The following AHNAK variants were observed in gnomAD, a reference collection of about 807,000 sequenced individuals.
AHNAK encodes AHNAK nucleoprotein.
In AHNAK, 23 loss-of-function variants were observed where a neutral mutation model predicts 37.8. That is an observed-to-expected ratio of 0.61 (90% confidence interval 0.44 to 0.86). AHNAK has a LOEUF of 0.86. AHNAK is among the 40% of genes least tolerant of loss of function. The pLI, the probability that AHNAK is intolerant of heterozygous loss-of-function variation, is 0.00. For synonymous variants in AHNAK, 2,481 were observed against 2,636.3 expected, an observed-to-expected ratio of 0.94 and a Z score of 1.80; for missense variants, 7,411 against 7,319.4, an observed-to-expected ratio of 1.01 and a Z score of -0.46.
At chr11:62,442,432 C>T (rs981250345) in intron 5 of AHNAK, among the ~76,000 whole-genome samples, 1 of 152,082 alleles carries the variant, frequency 6.6e-6, no homozygotes, top group African/African-American at 2.4e-5. Flanking sequence ...CCTGTAGTCC[C>T]AGCTACTTAG....
At position 62,524,559 on chromosome 11, in the gene AHNAK, C is replaced by A. The variant is rs778558740; in HGVS notation, c.9858G>T (p.Met3286Ile). The A allele has an allele frequency of 1.2e-6, 2 of 1,613,550 alleles. No individual in the cohort carries two copies. Among genetic ancestry groups the A allele is most frequent in the Admixed American group, 3.3e-5 (2 of 59,910 alleles). Residue 3286 changes from methionine to isoleucine, a missense_variant, in exon 5 of 5, where the codon ATG becomes ATT. Met to Ile is a conservative substitution (Grantham distance 10). Coordinates refer to ENST00000378024, the MANE Select transcript of AHNAK (RefSeq NM_001620.3). The stretch of plus-strand genomic sequence containing the variant: ...TGGAGATCTTGGGCATGTTTACATG[C>A]ATGTCAGGCATCTTCAGTTTTGGAC... The part of the protein sequence containing the change: ...LKGPKLKMPD[M>I]HVNMPKISMP...
exon 6 of AHNAK, chr11:62,433,839 C>A: frequency 1.2e-6 from 2 of 1,613,426 alleles, no homozygotes; most frequent in East Asian, 2.2e-5. Context: ...AAAGAACGGT[C>A]ACAAAAACAA....
At chr11:62,492,073 C>T (rs1242501910) in intron 4 of AHNAK, among the ~76,000 whole-genome samples, 1 of 152,108 alleles carries the variant, frequency 6.6e-6, no homozygotes, top group Non-Finnish European at 1.5e-5. Context: ...TTTGTGAAAG[C>T]CCGGGGAATC....
intron 5 of AHNAK, among the ~76,000 whole-genome samples, chr11:62,476,770 C>A (rs1272111493): frequency 6.6e-6 from 1 of 152,090 alleles, no homozygotes; most frequent in Middle Eastern, 3.4e-3. Flanking sequence ...GTGGTTGGAC[C>A]AAGAGAAAGA....
intron 5 of AHNAK, among the ~76,000 whole-genome samples, chr11:62,487,558 G>A (rs574532129): frequency 7.9e-4 from 120 of 152,166 alleles, no homozygotes; most frequent in African/African-American, 2.7e-3. Context: ...CGCCGGTGGC[G>A]CAGTCTCGGC....
chr11:62,529,196 T>A lies in AHNAK; in HGVS notation c.5221A>T (p.Ile1741Phe). The A allele has an allele frequency of 6.2e-7, 1 of 1,614,208 alleles. No individual in the cohort carries two copies. Among genetic ancestry groups the A allele is most frequent in the Non-Finnish European group, 8.5e-7 (1 of 1,180,042 alleles). Residue 1741 changes from isoleucine to phenylalanine, a missense_variant, in exon 5 of 5, where the codon ATT (isoleucine) becomes TTT (phenylalanine). Ile to Phe is a conservative substitution (Grantham distance 21, BLOSUM62 0). Coordinates refer to ENST00000378024, the MANE Select transcript of AHNAK (RefSeq NM_001620.3). The stretch of plus-strand genomic sequence containing the variant: ...TCCACACTGGGTCCAGACACATCAA[T>A]GTCAGCCTTTGGCAGATTCACATCC... The part of the protein sequence containing the change: ...EVDVNLPKAD[I>F]DVSGPSVDTD...
chr11:62,475,732 G>A (rs1460683705), intron 5 of AHNAK, among the ~76,000 whole-genome samples: 3 of 148,430 alleles, frequency 2.0e-5, no homozygotes, highest in Non-Finnish European at 4.4e-5. Context: ...AGCCTCCCAA[G>A]TAGCTGGGAT....
chr11:62,491,397 C>A (rs1280507251), intron 5 of AHNAK, among the ~76,000 whole-genome samples: 1 of 152,172 alleles, frequency 6.6e-6, no homozygotes, highest in Non-Finnish European at 1.5e-5. Context: ...GGTTTCTGCC[C>A]CACCCTGGCT....
intron 2 of AHNAK, 40 bp from the exon 3 acceptor site, chr11:62,536,138 G>C (rs2134252175): frequency 6.6e-7 from 1 of 1,523,426 alleles, no homozygotes; most frequent in Non-Finnish European, 8.8e-7. Context: ...GTCAGTGGGG[G>C]TGGGAGGACA....
rs1381491928 is a variant in AHNAK, at chr11:62,524,697, T to G, written c.9720A>C (p.Ser3240=). 6.2e-7 allele frequency: 1 copy of G among 1,614,230 alleles called. No homozygotes were observed. ...GPKMKGEVDV[S]LANVEGDLKG... ...TCAAATCACCTTCTACATTTGCAAG[T>G]GAAACATCCACCTCTCCTTTCATTT... The change falls in exon 5 of 5, where the codon TCA becomes TCC. Residue 3240 remains serine (S), a synonymous_variant. Coordinates refer to ENST00000378024, the MANE Select transcript of AHNAK (RefSeq NM_001620.3).
rs747826641 is a variant in AHNAK, at chr11:62,533,976, C to T, written c.441G>A (p.Gln147=). The change falls in exon 5 of 5, where the codon CAG becomes CAA. Residue 147 remains glutamine, a synonymous_variant. Transcript: ENST00000378024. ...TTCTGGTCACTGTGATGGTACGGCT[C>T]TGGGTCTCCCCGAGGTCTCCTTCCA... ...DGVEGDLGET[Q]SRTITVTRRV... 6.2e-7 allele frequency: 1 copy of T among 1,611,590 alleles called. No individual in the cohort carries two copies.
chr11:62,543,830 C>A (rs1370497103), intron 1 of AHNAK, among the ~76,000 whole-genome samples: 2 of 152,252 alleles, frequency 1.3e-5, no homozygotes, highest in Non-Finnish European at 2.9e-5. Flanking sequence ...TCCCCAGCGG[C>A]CATCACCCTT....
Position 62,536,118 on chromosome 11 carries a change from T to C in AHNAK, c.1-20A>G, listed in dbSNP as rs984614793. ...CTCCATCTGGAATGAGGTGAGGAAA[T>C]GGAACTGGGGTCAGTGGGGGTGGGA... is the stretch of plus-strand genomic sequence containing the variant. On this transcript the variant is annotated intron_variant, in intron 2 of 4. Transcript: ENST00000378024. 6.4e-7 allele frequency: 1 copy of C among 1,553,196 alleles called. No homozygotes were observed. The highest frequency in any genetic ancestry group is 2.4e-5 in the East Asian group (1 of 42,470).
downstream of AHNAK, among the ~76,000 whole-genome samples, chr11:62,511,757 T>C (rs1376534153): frequency 6.6e-6 from 1 of 152,080 alleles, no homozygotes; most frequent in Non-Finnish European, 1.5e-5. Context: ...GACAGAGTCT[T>C]GCTTTGTCTG....
intron 5 of AHNAK, among the ~76,000 whole-genome samples, chr11:62,454,928 T>G (rs1938624025): frequency 1.4e-5 from 1 of 69,226 alleles, no homozygotes; most frequent in South Asian, 7.6e-4. Flanking sequence ...TTTTATTTAT[T>G]TATTTTTTTT....
chr11:62,459,326 G>A (rs1938736500), intron 5 of AHNAK, among the ~76,000 whole-genome samples: 2 of 152,118 alleles, frequency 1.3e-5, no homozygotes, highest in Admixed American at 1.3e-4. Context: ...CCTCTCCCCT[G>A]CCCAAAACCT....
chr11:62,513,620 G>C (rs1939953944), downstream of AHNAK, among the ~76,000 whole-genome samples: 1 of 152,088 alleles, frequency 6.6e-6, no homozygotes, highest in African/African-American at 2.4e-5. Flanking sequence ...AGGTGCATGG[G>C]CAGGGCGAGG....
intron 1 of AHNAK, chr11:62,546,114 G>A (rs1590700572): frequency 1.3e-5 from 2 of 153,412 alleles, no homozygotes; most frequent in Non-Finnish European, 2.9e-5. Flanking sequence ...AGGGGCTGGT[G>A]GTACAGAACA....
intron 1 of AHNAK, among the ~76,000 whole-genome samples, chr11:62,544,107 T>G (rs994894889): frequency 6.6e-6 from 1 of 152,198 alleles, no homozygotes; most frequent in East Asian, 1.9e-4. Context: ...TGACCGGCTC[T>G]GCCAGGACCC....
Sources: allele counts gnomAD v4.1 joint callset (sites outside exome capture counted in the v4.1 genomes callset), GRCh38; gene constraint gnomAD v4.1.1; transcripts MANE v1.5; gene names NCBI Gene and HGNC (gene_info 2026-07-23, HGNC 2026-07-21).